HAUS6: variants seen among roughly 807,000 people sequenced by gnomAD.
The protein encoded by HAUS6 is HAUS augmin-like complex subunit 6.
A neutral mutation model predicts 106.8 loss-of-function variants in HAUS6; 80 were observed. That is an observed-to-expected ratio of 0.75 (90% confidence interval 0.63 to 0.90). The LOEUF (loss-of-function observed/expected upper bound fraction) is 0.90. HAUS6 is among the 40% of genes least tolerant of loss of function. The pLI is 0.00. For missense variants in HAUS6, 1,155 were observed against 1,118.1 expected, an observed-to-expected ratio of 1.03 and a Z score of -0.47; for synonymous variants, 356 against 379.1, an observed-to-expected ratio of 0.94 and a Z score of 0.71.
intron 12 of HAUS6, among the ~76,000 whole-genome samples, chr9:19,067,118 C>G (rs756054304): frequency 6.6e-5 from 10 of 152,140 alleles, no homozygotes; most frequent in Non-Finnish European, 1.3e-4. Context: ...AAACTACATT[C>G]TTTCCATGCT....
chr9:19,084,739 T>A (rs898222844), intron 7 of HAUS6, among the ~76,000 whole-genome samples: 6 of 152,024 alleles, frequency 3.9e-5, no homozygotes, highest in Admixed American at 3.9e-4. Context: ...TTCAAGTGAT[T>A]CTTGTGCCTC....
At chr9:19,066,873 G>A (rs969814876) in intron 12 of HAUS6, among the ~76,000 whole-genome samples, 11 of 151,290 alleles carry the variant, frequency 7.3e-5, no homozygotes, top group Non-Finnish European at 1.5e-4. Context: ...TGGGTGTGGA[G>A]GTGCATGCCT....
At chr9:19,097,930 G>A (rs1282443398) in intron 1 of HAUS6, among the ~76,000 whole-genome samples, 1 of 152,136 alleles carries the variant, frequency 6.6e-6, no homozygotes, top group Non-Finnish European at 1.5e-5. Context: ...CTATTCTCTT[G>A]CGTAAGTTCC....
intron 5 of HAUS6, 107 bp downstream of exon 5, chr9:19,089,305 A>G: frequency 2.9e-6 from 2 of 698,948 alleles, no homozygotes; most frequent in African/African-American, 1.8e-5. Flanking sequence ...ATAGAAAGAT[A>G]ACCGCCAAGG....
intron 2 of HAUS6, among the ~76,000 whole-genome samples, chr9:19,095,737 A>G (rs903438549): frequency 6.6e-6 from 1 of 152,174 alleles, no homozygotes; most frequent in Non-Finnish European, 1.5e-5. Context: ...ATAAATATCA[A>G]AATAAATTTG....
At chr9:19,081,059 T>G (rs1837135578) in intron 8 of HAUS6, among the ~76,000 whole-genome samples, 1 of 148,762 alleles carries the variant, frequency 6.7e-6, no homozygotes, top group East Asian at 2.0e-4. Flanking sequence ...GCAATAAGAG[T>G]GAAACTCCAT....
At chr9:19,090,804 TCAAA>T (rs1817728781) in intron 4 of HAUS6, among the ~76,000 whole-genome samples, 1 of 152,226 alleles carries the variant, frequency 6.6e-6, no homozygotes, top group African/African-American at 2.4e-5. Flanking sequence ...TGTTCATTTC[TCAAA>T]CAATTCGTCA....
At chr9:19,080,034 C>A (rs1002865968) in intron 9 of HAUS6, among the ~76,000 whole-genome samples, 4 of 151,528 alleles carry the variant, frequency 2.6e-5, no homozygotes, top group Admixed American at 1.3e-4. Flanking sequence ...ATTAGCCAGG[C>A]GTGGTGGCAC....
Position 19,094,314 on chromosome 9 carries a change from T to C in HAUS6, c.303+3A>G. ...TGTATCTTCTAACAAAAAGAATACT[T>C]ACAGAAATCCTTTTTATCCATTCAC... On this transcript the variant is annotated splice_donor_region_variant and intron_variant, in intron 3 of 16. Coordinates refer to ENST00000380502, the MANE Select transcript of HAUS6 (RefSeq NM_017645.5). 1.9e-6 allele frequency: 3 copies of C among 1,554,890 alleles called. No homozygotes were observed. Among genetic ancestry groups the C allele is most frequent in the Non-Finnish European group, 2.7e-6 (3 of 1,131,408 alleles).
chr9:19,063,781 C>T (rs1345812180), intron 12 of HAUS6: 3 of 734,290 alleles, frequency 4.1e-6, no homozygotes, highest in Non-Finnish European at 5.1e-6. Context: ...GTGTATCAGC[C>T]TCCCAATTAT....
At chr9:19,061,089 G>A (rs1281173363) in intron 14 of HAUS6, among the ~76,000 whole-genome samples, 2 of 152,204 alleles carry the variant, frequency 1.3e-5, no homozygotes, top group Admixed American at 1.3e-4. Context: ...GCTTGAACCC[G>A]GGAGGCGGAG....
intron 4 of HAUS6, 128 bp from the exon 5 acceptor site, chr9:19,089,687 T>TA: frequency 1.7e-6 from 1 of 586,954 alleles, no homozygotes; most frequent in Admixed American, 3.6e-5. Flanking sequence ...GATTGACTTT[T>TA]AAAAAAAGGA....
chr9:19,080,242 C>T (rs1185887920), intron 9 of HAUS6, among the ~76,000 whole-genome samples: 2 of 137,140 alleles, frequency 1.5e-5, no homozygotes, highest in African/African-American at 2.7e-5. Flanking sequence ...AAGAAAACTA[C>T]AGAAAAGCTA....
rs373566745 is a variant in HAUS6, at chr9:19,058,134, G to A, written c.2633C>T (p.Thr878Met). Residue 878 changes from threonine to methionine, a missense_variant, in exon 16 of 17, where the codon ACG becomes ATG. Thr to Met is a moderately conservative substitution (Grantham distance 81). Coordinates refer to ENST00000380502, the MANE Select transcript of HAUS6 (RefSeq NM_017645.5). ...PTPQNVQTDD[T>M]LNFLDTCDLH... ...ATCACAGGTGTCCAAAAAGTTAAGC[G>A]TATCATCTGTTTGTACATTTTGGGG... 6.8e-6 allele frequency: 11 copies of A among 1,613,874 alleles called. No homozygotes were observed. The highest frequency in any genetic ancestry group is 4.4e-5 in the South Asian group (4 of 91,082).
chr9:19,092,003 C>T (rs1333789317), intron 4 of HAUS6, among the ~76,000 whole-genome samples: 1 of 151,908 alleles, frequency 6.6e-6, no homozygotes, highest in African/African-American at 2.4e-5. Flanking sequence ...TGCTCTTAAA[C>T]ATGAAACAAT....
chr9:19,092,916 C>CAAAAAAAAAAAAAAAAAAA (rs71494998), intron 4 of HAUS6, among the ~76,000 whole-genome samples: 47 of 76,138 alleles, frequency 6.2e-4, no homozygotes, highest in African/African-American at 1.3e-3. Context: ...AACTGTGTCT[C>CAAAAAAAAAAAAAAAAAAA]AAAAAAAAAA....
intron 1 of HAUS6, among the ~76,000 whole-genome samples, chr9:19,101,560 T>G (rs529188067): frequency 6.6e-6 from 1 of 152,170 alleles, no homozygotes; most frequent in Admixed American, 6.5e-5. Context: ...GAGGATTGCT[T>G]GAGCCCAGGA....
chr9:19,060,404 T>C (rs977967985), intron 14 of HAUS6, among the ~76,000 whole-genome samples, 181 bp from the exon 15 acceptor site: 1 of 152,238 alleles, frequency 6.6e-6, no homozygotes, highest in Non-Finnish European at 1.5e-5. Flanking sequence ...GGTACAATCC[T>C]GTAAAGTGAA....
Position 19,064,735 on chromosome 9 carries a change from C to T in HAUS6, c.1377-1155G>A, listed in dbSNP as rs558853386. Among the ~76,000 whole-genome samples the T allele has an allele frequency of 1.7e-4, 26 of 152,310 alleles. No individual in the cohort carries two copies. In the South Asian group the frequency reaches 5.4e-3, roughly 32 times the overall value. ...ATTTTCAAACTTTTTCAAATATGCA[C>T]TCTTAGAGTCTTTGCCTACGTTCCA... On this transcript the variant is annotated intron_variant, in intron 12 of 16. Coordinates refer to ENST00000380502, the MANE Select transcript of HAUS6 (RefSeq NM_017645.5).
Sources: gnomAD v4.1 joint callset for allele counts (sites outside exome capture counted in the v4.1 genomes callset) on GRCh38, gnomAD v4.1.1 for gene constraint, MANE v1.5 for transcripts, NCBI Gene and HGNC (gene_info 2026-07-23, HGNC 2026-07-21) for gene names.